The following PARP14 variants were observed in gnomAD, a reference collection of about 807,000 sequenced individuals.
PARP14 encodes the protein poly(ADP-ribose) polymerase family member 14.
Under a neutral mutation model 154.2 loss-of-function variants are expected in PARP14, and 59 were observed. The observed-to-expected ratio is 0.38, with a 90% CI of 0.31 to 0.48. The LOEUF (loss-of-function observed/expected upper bound fraction) is 0.48, where lower values mean the gene tolerates loss of function less well. Ranked by LOEUF, PARP14 falls within the 20% of genes least tolerant of loss-of-function variation. The pLI, the probability that PARP14 is intolerant of heterozygous loss-of-function variation, is 0.98. For missense variants in PARP14, 1,734 were observed against 2,131.6 expected, an observed-to-expected ratio of 0.81 and a Z score of 3.67; for synonymous variants, 720 against 780.5, an observed-to-expected ratio of 0.92 and a Z score of 1.29.
In PARP14 at chr3:122,728,972, T is replaced by C; in HGVS notation, c.*375T>C. 4.3e-6 allele frequency: 1 copy of C among 230,860 alleles called. No homozygotes were observed. Among genetic ancestry groups the C allele is most frequent in the Non-Finnish European group, 8.6e-6 (1 of 116,014 alleles). The allele number at this position is 230,860 out of a possible 1,614,324, so 14.3% of individuals were successfully genotyped here. A position where few individuals can be genotyped will look rare whatever the true frequency, so the allele number is the denominator to read the frequency against. On this transcript the variant is annotated 3_prime_UTR_variant, in exon 17 of 17. Transcript: ENST00000474629. The stretch of plus-strand genomic sequence containing the variant: ...AGACAGGCCCCATGTCAGGATGCCA[T>C]AGTGCTGTGGGGAGCACAGTATTAC...
intron 3 of PARP14, among the ~76,000 whole-genome samples, chr3:122,691,495 A>G (rs1427716029): frequency 6.6e-6 from 1 of 152,174 alleles, no homozygotes; most frequent in African/African-American, 2.4e-5. Flanking sequence ...TGTATTCCTT[A>G]ATCATTTGCT....
intron 8 of PARP14, among the ~76,000 whole-genome samples, chr3:122,705,480 G>A (rs1939126300): frequency 6.6e-6 from 1 of 152,254 alleles, no homozygotes; most frequent in East Asian, 1.9e-4. Flanking sequence ...GGAGAGTTGG[G>A]ACCAGAAACA....
Position 122,714,311 on chromosome 3 carries a change from G to T in PARP14, c.3882G>T (p.Arg1294Ser). The T allele has an allele frequency of 6.2e-7, 1 of 1,601,092 alleles. No homozygotes were observed. The highest frequency in any genetic ancestry group is 2.2e-5 in the East Asian group (1 of 44,452). Residue 1294 changes from arginine to serine, a missense_variant, in exon 12 of 17, where the codon AGG (arginine) becomes AGT (serine). Physicochemically the swap from Arg to Ser is moderately radical, Grantham distance 110 (BLOSUM62 -1). This residue lies in a region of PARP14 where 1,646 missense variants were observed against 1,976.0 expected (regional missense o/e 0.83). Coordinates refer to ENST00000474629, the MANE Select transcript of PARP14 (RefSeq NM_017554.3). Reference protein sequence around the residue: ...DYIITGGGFLRCKNIIHVIGG... With the variant: ...DYIITGGGFLSCKNIIHVIGG... The stretch of plus-strand genomic sequence containing the variant: ...TAATCACCGGAGGTGGATTTTTGAG[G>T]TGCAAGAATATCATTCATGTAATTG...
intron 8 of PARP14, among the ~76,000 whole-genome samples, chr3:122,706,089 A>C (rs1424820433): frequency 2.0e-5 from 3 of 152,214 alleles, no homozygotes; most frequent in Admixed American, 6.5e-5. Flanking sequence ...GGGTGATTGA[A>C]TACAGCATGA....
intron 8 of PARP14, among the ~76,000 whole-genome samples, chr3:122,706,750 A>G (rs1352977842): frequency 6.6e-6 from 1 of 151,826 alleles, no homozygotes; most frequent in Non-Finnish European, 1.5e-5. Context: ...TTTTTTTTCC[A>G]ACAAAATTAT....
chr3:122,703,397 A>G (rs1560066214), intron 6 of PARP14, among the ~76,000 whole-genome samples: 1 of 152,084 alleles, frequency 6.6e-6, no homozygotes, highest in Non-Finnish European at 1.5e-5. Context: ...CACCATGCCT[A>G]TGTTCATGCT....
chr3:122,730,349 T>C lies in PARP14; in HGVS notation c.*1752T>C, dbSNP rs1249986397. The stretch of plus-strand genomic sequence containing the variant: ...GGCTTCTTCTATTACAGTCTCTTCA[T>C]TGGAAGCTCTGTAGGCCAAGGCCAG... On this transcript the variant is annotated 3_prime_UTR_variant, in exon 17 of 17. Coordinates refer to ENST00000474629, the MANE Select transcript of PARP14 (RefSeq NM_017554.3). 1 of 152,196 alleles carries C rather than the reference T, an allele frequency of 6.6e-6. No individual in the cohort carries two copies. The highest frequency in any genetic ancestry group is 1.5e-5 in the Non-Finnish European group (1 of 68,048). The allele number at this position is 152,196 out of a possible 1,614,324, so 9.4% of individuals were successfully genotyped here. A position where few individuals can be genotyped will look rare whatever the true frequency, so the allele number is the denominator to read the frequency against.
At position 122,708,254 on chromosome 3, in the gene PARP14, C is replaced by A; in HGVS notation, c.3605C>A (p.Ala1202Asp). 6.4e-7 allele frequency: 1 copy of A among 1,559,804 alleles called. No homozygotes were observed. The highest frequency in any genetic ancestry group is 8.7e-7 in the Non-Finnish European group (1 of 1,145,878). Residue 1202 changes from alanine to aspartate, a missense_variant, in exon 9 of 17, where the codon GCT (alanine) becomes GAT (aspartate). Coordinates refer to ENST00000474629, the MANE Select transcript of PARP14 (RefSeq NM_017554.3). The part of the protein sequence containing the change: ...GNLVSDKIPK[A>D]KDTQGFYGTV... ...CTCGTCAGTGACAAAATTCCGAAGGCTAAAGATACACAAGGTTCAGTAAAG... is the reference window on the plus strand; with the variant it reads ...CTCGTCAGTGACAAAATTCCGAAGGATAAAGATACACAAGGTTCAGTAAAG...
At chr3:122,714,690 TAAGG>T (rs1311420441) in intron 12 of PARP14, among the ~76,000 whole-genome samples, 1 of 152,072 alleles carries the variant, frequency 6.6e-6, no homozygotes, top group Non-Finnish European at 1.5e-5. Context: ...GAAGGGAAAA[TAAGG>T]AGGAGAAGAG....
intron 4 of PARP14, 26 bp from the exon 5 acceptor site, chr3:122,695,400 T>G (rs1375806609): frequency 3.5e-6 from 4 of 1,138,380 alleles, no homozygotes; most frequent in Non-Finnish European, 1.3e-6. Context: ...TTACTGATTT[T>G]CTTTCTTTTT....
chr3:122,691,287 A>G (rs1397862046), intron 3 of PARP14, among the ~76,000 whole-genome samples: 3 of 152,200 alleles, frequency 2.0e-5, no homozygotes, highest in African/African-American at 7.2e-5. Context: ...AAGAGTCCCC[A>G]TTGAAAAACT....
chr3:122,709,525 TATA>T (rs1275396433), intron 9 of PARP14, among the ~76,000 whole-genome samples: 44 of 152,346 alleles, frequency 2.9e-4, no homozygotes, highest in African/African-American at 1.0e-3. Context: ...TGTTTTTTCA[TATA>T]ATGACTTATT....
intron 6 of PARP14, among the ~76,000 whole-genome samples, chr3:122,702,971 G>A (rs1939023131): frequency 7.2e-6 from 1 of 137,940 alleles, no homozygotes; most frequent in Non-Finnish European, 1.5e-5. Flanking sequence ...AGCCTGGGTG[G>A]ACAGAGCAAG....
intron 5 of PARP14, among the ~76,000 whole-genome samples, chr3:122,698,945 C>A (rs1450486496): frequency 6.6e-6 from 1 of 152,214 alleles, no homozygotes; most frequent in African/African-American, 2.4e-5. Context: ...AAACATTATT[C>A]TCACGATTGT....
intron 9 of PARP14, among the ~76,000 whole-genome samples, chr3:122,712,539 T>G (rs1164738405): frequency 6.6e-6 from 1 of 151,486 alleles, no homozygotes; most frequent in African/African-American, 2.4e-5. Flanking sequence ...TGAGCCACCA[T>G]GCCTGGCCAG....
chr3:122,701,551 G>A lies in PARP14; in HGVS notation c.2997G>A (p.Gly999=). The change falls in exon 6 of 17, where the codon GGG becomes GGA. Residue 999 remains glycine, a synonymous_variant. Coordinates refer to ENST00000474629, the MANE Select transcript of PARP14 (RefSeq NM_017554.3). This position sits in a 1 kb window ranked among gnomAD's most constrained non-coding sequence, Gnocchi z 4.0. ...PGLPPAAAGP[G]KTSWEKGSLV... is the part of the protein sequence containing the mutation. ...TACCACCAGCAGCAGCGGGGCCTGG[G>A]AAAACATCATGGGAAAAAGGAAGCC... 6.2e-7 allele frequency: 1 copy of A among 1,610,814 alleles called. No individual in the cohort carries two copies. The highest frequency in any genetic ancestry group is 8.5e-7 in the Non-Finnish European group (1 of 1,178,244).
Position 122,701,762 on chromosome 3 carries a change from C to T in PARP14, c.3081+127C>T, listed in dbSNP as rs989967920. 1.4e-6 allele frequency: 1 copy of T among 704,522 alleles called. No homozygotes were observed. The highest frequency in any genetic ancestry group is 2.3e-6 in the Non-Finnish European group (1 of 427,166). 43.6% of individuals were successfully genotyped at this position (704,522 alleles called of 1,614,324 possible). A position where few individuals can be genotyped will look rare whatever the true frequency, so the allele number is the denominator to read the frequency against. On this transcript the variant is annotated intron_variant, in intron 6 of 16. Coordinates refer to ENST00000474629, the MANE Select transcript of PARP14 (RefSeq NM_017554.3). The surrounding 1 kb of genome is among the most constrained non-coding windows in gnomAD (Gnocchi z 4.0). ...TCAAGGGAGAGAATCCCATGCCTTCCACCCCTGCCTTGAAACAATTTTCCT... is the reference window on the plus strand; with the variant it reads ...TCAAGGGAGAGAATCCCATGCCTTCTACCCCTGCCTTGAAACAATTTTCCT...
chr3:122,704,831 T>A, intron 8 of PARP14, 83 bp downstream of exon 8: 1 of 705,132 alleles, frequency 1.4e-6, no homozygotes, highest in Non-Finnish European at 2.4e-6. Flanking sequence ...ACAGGATACT[T>A]TTTTCATTCA....
intron 12 of PARP14, 140 bp from the exon 13 acceptor site, chr3:122,717,931 C>A: frequency 1.5e-6 from 1 of 685,182 alleles, no homozygotes. Context: ...TTTGCTGATG[C>A]TTTGTTAGAA....
Sources: gnomAD v4.1 joint callset for allele counts (sites outside exome capture counted in the v4.1 genomes callset) on GRCh38, gnomAD v4.1.1 for gene constraint, gnomAD v4.1.1 regional missense constraint, Gnocchi (gnomAD v3.1) non-coding constraint, MANE v1.5 for transcripts, NCBI Gene and HGNC (gene_info 2026-07-23, HGNC 2026-07-21) for gene names.